ZYG11B: variants seen among roughly 807,000 people sequenced by gnomAD.
ZYG11B encodes the protein protein zyg-11 homolog B.
In ZYG11B, 36 loss-of-function variants were observed where a neutral mutation model predicts 82.4. The observed-to-expected ratio is 0.44, with a 90% CI of 0.33 to 0.58. The LOEUF (loss-of-function observed/expected upper bound fraction) is 0.58, where lower values mean the gene tolerates loss of function less well. ZYG11B is among the 20% of genes least tolerant of loss of function. The probability of loss-of-function intolerance (pLI) is 0.02; values close to 1 mark genes in which losing one functional copy is unlikely to be tolerated. For synonymous variants in ZYG11B, 303 were observed against 312.8 expected, an observed-to-expected ratio of 0.97 and a Z score of 0.33; for missense variants, 552 against 895.6, an observed-to-expected ratio of 0.62 and a Z score of 4.90.
chr1:52,782,225 A>G (rs1475265422), intron 4 of ZYG11B, among the ~76,000 whole-genome samples: 1 of 151,568 alleles, frequency 6.6e-6, no homozygotes, highest in African/African-American at 2.4e-5. Context: ...TAATAACACC[A>G]TGCCTGGCTG....
chr1:52,803,251 TATA>T (rs1558140654), intron 10 of ZYG11B, among the ~76,000 whole-genome samples: 1 of 62,786 alleles, frequency 1.6e-5, no homozygotes, highest in Non-Finnish European at 2.5e-5. Flanking sequence ...CACACACACA[TATA>T]TATATATATA....
chr1:52,741,172 C>G (rs1644426408), intron 1 of ZYG11B, among the ~76,000 whole-genome samples: 1 of 151,472 alleles, frequency 6.6e-6, no homozygotes, highest in African/African-American at 2.4e-5. Context: ...GTGGCATGCA[C>G]CTGTAATCCC....
At chr1:52,800,386 C>T (rs1645066432) in intron 8 of ZYG11B, among the ~76,000 whole-genome samples, 1 of 151,708 alleles carries the variant, frequency 6.6e-6, no homozygotes, top group African/African-American at 2.4e-5. Flanking sequence ...GTTTATTTTA[C>T]TGTTTTCAGG....
At chr1:52,732,954 CA>C (rs760962901) in intron 1 of ZYG11B, among the ~76,000 whole-genome samples, 1 of 150,370 alleles carries the variant, frequency 6.7e-6, no homozygotes, top group African/African-American at 2.4e-5. Context: ...CCAGCCTGGG[CA>C]AAAAGAGTGA....
At chr1:52,792,021 A>G (rs1644963939) in intron 6 of ZYG11B, among the ~76,000 whole-genome samples, 1 of 152,190 alleles carries the variant, frequency 6.6e-6, no homozygotes, top group Non-Finnish European at 1.5e-5. Context: ...AAGCAGCCAT[A>G]GGTAATATGT....
In ZYG11B at chr1:52,805,510, A is replaced by T. The variant is rs762805018; in HGVS notation, c.1695+3371A>T. The stretch of plus-strand genomic sequence containing the variant: ...TTTGATACAGAAGTTGGCTCAGGTC[A>T]TCTGAAACGGAAAGGTGAAATTTAT... On this transcript the variant is annotated intron_variant, in intron 10 of 13. Transcript: ENST00000294353. 113 of 455,784 alleles carry T rather than the reference A, an allele frequency of 2.5e-4. 3 individuals carry two copies. The highest frequency in any genetic ancestry group is 3.3e-4 in the South Asian group (21 of 64,546). 28.2% of individuals were successfully genotyped at this position (455,784 alleles called of 1,614,324 possible).
At position 52,756,642 on chromosome 1, in the gene ZYG11B, G is replaced by A. The variant is rs553794346; in HGVS notation, c.196+19G>A. 8.6e-5 allele frequency: 136 copies of A among 1,587,312 alleles called. 1 individual carries two copies. In the South Asian group the frequency reaches 1.4e-3, roughly 17 times the overall value. Reference sequence around the variant, plus strand: ...TTTCATGGTAAAAAAATAAACAGAGGAAACAAAAATTATGTGCTGTTAATT... The same window carrying A: ...TTTCATGGTAAAAAAATAAACAGAGAAAACAAAAATTATGTGCTGTTAATT... On this transcript the variant is annotated intron_variant, in intron 2 of 13. Transcript: ENST00000294353.
intron 2 of ZYG11B, among the ~76,000 whole-genome samples, chr1:52,764,286 G>C (rs1161145938): frequency 8.7e-6 from 1 of 114,562 alleles, no homozygotes; most frequent in Non-Finnish European, 1.6e-5. Flanking sequence ...ACCATGCCTG[G>C]CTAATTTTTT....
At chr1:52,798,757 A>C (rs562808200) in intron 8 of ZYG11B, among the ~76,000 whole-genome samples, 1 of 152,212 alleles carries the variant, frequency 6.6e-6, no homozygotes, top group Non-Finnish European at 1.5e-5. Flanking sequence ...CAATCAGTTG[A>C]GGAAATAAGA....
rs1644407216 is a variant in ZYG11B, at chr1:52,739,580, C to T, written c.30+12897C>T. 2.0e-5 allele frequency among the ~76,000 whole-genome samples: 3 copies of T among 152,026 alleles called. No homozygotes were observed. In the South Asian group the frequency reaches 6.2e-4, roughly 32 times the overall value. On this transcript the variant is annotated intron_variant, in intron 1 of 13. Transcript: ENST00000294353. ...TTTTCACACCAGAGACCTTTTATTT[C>T]AATTAAGTTAATATTTGCAAAGTAC...
intron 6 of ZYG11B, among the ~76,000 whole-genome samples, chr1:52,791,404 T>C (rs572031724): frequency 9.9e-5 from 15 of 152,268 alleles, no homozygotes; most frequent in Admixed American, 8.5e-4. Flanking sequence ...ATTTCACTCT[T>C]GTTGTCCAGG....
intron 10 of ZYG11B, among the ~76,000 whole-genome samples, chr1:52,811,731 A>G (rs1366695135): frequency 2.0e-5 from 3 of 150,938 alleles, no homozygotes; most frequent in Admixed American, 6.6e-5. Flanking sequence ...TTTAATTTCT[A>G]TAATTTACAT....
chr1:52,797,104 G>GTATATATTTATATATTATATAT lies in ZYG11B; in HGVS notation c.1485+372_1485+393dup, dbSNP rs1174400484. Among the ~76,000 whole-genome samples the GTATATATTTATATATTATATAT allele has an allele frequency of 1.2e-3, 56 of 45,954 alleles. 1 individual carries two copies. The East Asian group carries it at 0.03, about 24-fold the overall frequency. The allele number at this position is 45,954 out of a possible 152,430, so 30.1% of individuals were successfully genotyped here. On this transcript the variant is annotated intron_variant, in intron 8 of 13. Transcript: ENST00000294353. Reference sequence around the variant, plus strand: ...TGTATATATTTATATATTACATATTGTATATATTTATATATTATATATTAT... The same window carrying GTATATATTTATATATTATATAT: ...TGTATATATTTATATATTACATATTGTATATATTTATATATTATATATTATATATTTATATATTATATATTAT...
rs750734981 is a variant in ZYG11B at position 52,756,486 on chromosome 1, A to T, written c.59A>T (p.Asp20Val). 1 of 1,613,884 alleles carries T rather than the reference A, an allele frequency of 6.2e-7. No individual in the cohort carries two copies. The highest frequency in any genetic ancestry group is 1.1e-5 in the South Asian group (1 of 91,056). Reference sequence around the variant, plus strand: ...GAGGCGTCTCCCTATTCCTTACTTGATATCTGCTTGAATTTCTTGACTACT... The same window carrying T: ...GAGGCGTCTCCCTATTCCTTACTTGTTATCTGCTTGAATTTCTTGACTACT... ...MEEASPYSLL[D>V]ICLNFLTTHL... is the part of the protein sequence containing the mutation. Residue 20 changes from aspartate to valine, a missense_variant, in exon 2 of 14, where the codon GAT becomes GTT. Physicochemically the swap from Asp to Val is radical, Grantham distance 152 (BLOSUM62 -3). Coordinates refer to ENST00000294353, the MANE Select transcript of ZYG11B (RefSeq NM_024646.3).
In ZYG11B at chr1:52,826,792, AATC is replaced by A. The variant is rs1451874024; in HGVS notation, c.*5168_*5170del. The stretch of plus-strand genomic sequence containing the variant: ...AGTTTATCAAAATTATTTTGTGGGA[AATC>A]ATCAATCTATTTTATTAATGTTATG... On this transcript the variant is annotated 3_prime_UTR_variant, in exon 14 of 14. Transcript: ENST00000294353. 4.6e-5 allele frequency: 7 copies of A among 152,292 alleles called. No homozygotes were observed. The highest frequency in any genetic ancestry group is 1.2e-4 in the African/African-American group (5 of 41,560). 9.4% of individuals were successfully genotyped at this position (152,292 alleles called of 1,614,324 possible).
chr1:52,785,343 T>C (rs760435781), intron 5 of ZYG11B, among the ~76,000 whole-genome samples: 1 of 152,242 alleles, frequency 6.6e-6, no homozygotes, highest in Non-Finnish European at 1.5e-5. Context: ...TGTTCTGGGC[T>C]AGGCACTATC....
In ZYG11B at chr1:52,822,222, G is replaced by A. The variant is rs564688945; in HGVS notation, c.*593G>A. The stretch of plus-strand genomic sequence containing the variant: ...AAGGTAGAACAGAGTGTAGGAACTG[G>A]GAATTGGTTTCATGGTATAGGTTTT... On this transcript the variant is annotated 3_prime_UTR_variant, in exon 14 of 14. Transcript: ENST00000294353. The A allele has an allele frequency of 6.6e-6, 1 of 152,300 alleles. No individual in the cohort carries two copies. Among genetic ancestry groups the A allele is most frequent in the South Asian group, 2.1e-4 (1 of 4,824 alleles). The allele number at this position is 152,300 out of a possible 1,614,324, so 9.4% of individuals were successfully genotyped here. A position where few individuals can be genotyped will look rare whatever the true frequency, so the allele number is the denominator to read the frequency against.
chr1:52,736,031 A>G (rs1313076971), intron 1 of ZYG11B, among the ~76,000 whole-genome samples: 1 of 152,156 alleles, frequency 6.6e-6, no homozygotes, highest in Non-Finnish European at 1.5e-5. Context: ...ATTATTGTGT[A>G]CAGAGTGTAC....
intron 2 of ZYG11B, among the ~76,000 whole-genome samples, chr1:52,768,959 C>T (rs1359048316): frequency 6.6e-6 from 1 of 152,174 alleles, no homozygotes; most frequent in Non-Finnish European, 1.5e-5. Flanking sequence ...CAAAGATCAC[C>T]TCTCCCATCA....
Sources: allele counts gnomAD v4.1 joint callset (sites outside exome capture counted in the v4.1 genomes callset), GRCh38; gene constraint gnomAD v4.1.1; transcripts MANE v1.5; gene names NCBI Gene and HGNC (gene_info 2026-07-23, HGNC 2026-07-21).